NFATC2: variants seen among roughly 807,000 people sequenced by gnomAD.
The protein encoded by NFATC2 is nuclear factor of activated T cells 2.
Under a neutral mutation model 87.3 loss-of-function variants are expected in NFATC2, and 22 were observed. The observed-to-expected ratio is 0.25, with a 90% CI of 0.18 to 0.36. The LOEUF (loss-of-function observed/expected upper bound fraction) is 0.36, where lower values mean the gene tolerates loss of function less well. Among genes scored for constraint, NFATC2 ranks in the 10% least tolerant of loss-of-function variants. The pLI is 1.00. For missense variants in NFATC2, 1,149 were observed against 1,259.1 expected, an observed-to-expected ratio of 0.91 and a Z score of 1.32; for synonymous variants, 565 against 542.2, an observed-to-expected ratio of 1.04 and a Z score of -0.58.
chr20:51,409,571 G>A (rs1978880846), intron 9 of NFATC2, among the ~76,000 whole-genome samples: 1 of 152,206 alleles, frequency 6.6e-6, no homozygotes, highest in Admixed American at 6.5e-5. Context: ...GAACCTCAGA[G>A]ATGAGCCCAC....
intron 9 of NFATC2, among the ~76,000 whole-genome samples, 186 bp downstream of exon 9, chr20:51,431,881 G>T (rs1005998610): frequency 2.0e-5 from 3 of 152,110 alleles, no homozygotes; most frequent in Non-Finnish European, 4.4e-5. Flanking sequence ...ACTACTGCTG[G>T]GAGGTAATTC....
intron 3 of NFATC2, among the ~76,000 whole-genome samples, chr20:51,478,461 G>C (rs1447081734): frequency 2.0e-5 from 3 of 152,124 alleles, no homozygotes; most frequent in African/African-American, 7.2e-5. Flanking sequence ...GTGTACTCAA[G>C]GTAAACAGGC....
At chr20:51,459,894 G>C (rs141349932) in intron 5 of NFATC2, among the ~76,000 whole-genome samples, 176 of 151,960 alleles carry the variant, frequency 1.2e-3, no homozygotes, top group African/African-American at 4.1e-3. Context: ...AACAAACAAA[G>C]AAACAAAACA....
chr20:51,506,424 T>C (rs2076180878), intron 3 of NFATC2, among the ~76,000 whole-genome samples: 1 of 152,148 alleles, frequency 6.6e-6, no homozygotes, highest in Non-Finnish European at 1.5e-5. Flanking sequence ...GACTTTGACA[T>C]TCGCAATGTC....
At chr20:51,547,631 A>C (rs2076899963), upstream of NFATC2, among the ~76,000 whole-genome samples, 1 of 152,168 alleles carries the variant, frequency 6.6e-6, no homozygotes, top group Admixed American at 6.5e-5. Flanking sequence ...AGCATCTAAC[A>C]GGCACCTCAG....
At chr20:51,429,898 G>A (rs753360564) in intron 9 of NFATC2, among the ~76,000 whole-genome samples, 10 of 152,004 alleles carry the variant, frequency 6.6e-5, no homozygotes, top group Non-Finnish European at 1.3e-4. Context: ...GCTGACTCAG[G>A]TTTGGACCTA....
At chr20:51,559,749 C>T (rs557967138) in intron 1 of NFATC2, among the ~76,000 whole-genome samples, 1 of 152,362 alleles carries the variant, frequency 6.6e-6, no homozygotes, top group East Asian at 1.9e-4. Flanking sequence ...GTGCCAGTCA[C>T]TGTGCTCCTT....
intron 3 of NFATC2, among the ~76,000 whole-genome samples, chr20:51,489,081 T>C (rs988158418): frequency 6.6e-6 from 1 of 152,116 alleles, no homozygotes; most frequent in Non-Finnish European, 1.5e-5. Flanking sequence ...TCCCAGCTAC[T>C]CAGGAGGCTG....
chr20:51,418,283 A>C lies in NFATC2; in HGVS notation c.2722+13784T>G, dbSNP rs555035066. ...GCTGTTACTTCTACCAGAGCTGGAC[A>C]CTAAATCCTTCAGATGGTGGTTCTT... On this transcript the variant is annotated intron_variant, in intron 9 of 10. Transcript: ENST00000371564. Among the ~76,000 whole-genome samples the C allele has an allele frequency of 2.4e-4, 36 of 152,360 alleles. No individual in the cohort carries two copies. In the South Asian group the frequency reaches 6.8e-3, roughly 29 times the overall value.
intron 5 of NFATC2, among the ~76,000 whole-genome samples, chr20:51,466,100 T>C (rs1376292604): frequency 1.3e-5 from 2 of 152,156 alleles, no homozygotes; most frequent in Non-Finnish European, 2.9e-5. Context: ...TCGCCCAGGC[T>C]GGAGTGCAGT....
chr20:51,438,405 C>T (rs893780170), intron 6 of NFATC2, among the ~76,000 whole-genome samples: 1 of 144,566 alleles, frequency 6.9e-6, no homozygotes, highest in Admixed American at 7.0e-5. Flanking sequence ...CTGCTACCAA[C>T]AGCATCATTT....
At chr20:51,516,558 G>A (rs867979774) in intron 3 of NFATC2, among the ~76,000 whole-genome samples, 15 of 152,222 alleles carry the variant, frequency 9.9e-5, no homozygotes, top group African/African-American at 3.6e-4. Flanking sequence ...CCGGGCACAT[G>A]AATATCATTT....
At chr20:51,411,219 A>G (rs1303484076) in intron 9 of NFATC2, among the ~76,000 whole-genome samples, 1 of 152,174 alleles carries the variant, frequency 6.6e-6, no homozygotes, top group Non-Finnish European at 1.5e-5. Flanking sequence ...GTGGCCGAGC[A>G]ATGATTTGCA....
In NFATC2 at chr20:51,523,302, G is replaced by C. The variant is rs748675204; in HGVS notation, c.939C>G (p.Asp313Glu). The C allele has an allele frequency of 1.9e-6, 3 of 1,613,850 alleles. No homozygotes were observed. Among genetic ancestry groups the C allele is most frequent in the South Asian group, 2.2e-5 (2 of 91,072 alleles). Residue 313 changes from aspartate (D) to glutamate (E), a missense_variant, in exon 2 of 11, where the codon GAC (aspartate) becomes GAG (glutamate). Physicochemically the swap from Asp to Glu is conservative, Grantham distance 45. Around this residue, in one of 3 missense-constraint regions of NFATC2, gnomAD observed 563 missense variants for 585.2 expected, o/e 0.96. Transcript: ENST00000371564. This position sits in a 1 kb window ranked among gnomAD's most constrained non-coding sequence, Gnocchi z 6.9. Reference protein sequence around the residue: ...IMDALNSLATDSPCGIPPKMW... With the variant: ...IMDALNSLATESPCGIPPKMW... ...TCTTGGGGGGGATCCCACAAGGCGAGTCCGTGGCGAGGCTGTTCAGGGCAT... is the reference window on the plus strand; with the variant it reads ...TCTTGGGGGGGATCCCACAAGGCGACTCCGTGGCGAGGCTGTTCAGGGCAT...
chr20:51,522,927 C>A (rs1188661744), intron 2 of NFATC2, among the ~76,000 whole-genome samples, 154 bp downstream of exon 2: 1 of 152,216 alleles, frequency 6.6e-6, no homozygotes, highest in Non-Finnish European at 1.5e-5. Context: ...ATTTAACTTC[C>A]GTCTCAGGGT....
At chr20:51,561,484 A>AAAGAAAGCAAGCAAGCAAGCAAGCAAGC (rs2077029945) in intron 1 of NFATC2, among the ~76,000 whole-genome samples, 1 of 89,980 alleles carries the variant, frequency 1.1e-5, no homozygotes, top group Non-Finnish European at 2.2e-5. Flanking sequence ...AGAAAGAAAG[A>AAAGAAAGCAAGCAAGCAAGCAAGCAAGC]AAGCAAGCAA....
chr20:51,393,223 C>T (rs1447354534), intron 10 of NFATC2, among the ~76,000 whole-genome samples: 2 of 151,438 alleles, frequency 1.3e-5, no homozygotes, highest in Non-Finnish European at 2.9e-5. Context: ...TAGATTTCCA[C>T]CTCTGCCACT....
chr20:51,472,636 T>C (rs1258823175), intron 5 of NFATC2, among the ~76,000 whole-genome samples: 11 of 141,118 alleles, frequency 7.8e-5, no homozygotes, highest in African/African-American at 1.8e-4. Flanking sequence ...CTTCTTTTTT[T>C]TTTTTTTTTT....
intron 6 of NFATC2, among the ~76,000 whole-genome samples, chr20:51,440,730 C>T (rs968267527): frequency 6.6e-6 from 1 of 152,180 alleles, no homozygotes; most frequent in African/African-American, 2.4e-5. Context: ...CGGTTCTGGA[C>T]AAACAAGTCC....
Sources: allele counts gnomAD v4.1 joint callset (sites outside exome capture counted in the v4.1 genomes callset), GRCh38; gene constraint gnomAD v4.1.1; regional missense constraint gnomAD v4.1.1; non-coding constraint Gnocchi (gnomAD v3.1); transcripts MANE v1.5; gene names NCBI Gene and HGNC (gene_info 2026-07-23, HGNC 2026-07-21).